The following CACNA2D1 variants were observed in gnomAD, a reference collection of about 807,000 sequenced individuals.
The protein encoded by CACNA2D1 is voltage-dependent calcium channel subunit alpha-2/delta-1.
In CACNA2D1, 53 loss-of-function variants were observed where a neutral mutation model predicts 171.5. The ratio of observed to expected loss-of-function variants is 0.31; its 90% CI spans 0.25 to 0.39. CACNA2D1 has a LOEUF of 0.39. Ranked by LOEUF, CACNA2D1 falls within the 10% of genes least tolerant of loss-of-function variation. The pLI, the probability that CACNA2D1 is intolerant of heterozygous loss-of-function variation, is 1.00. For synonymous variants in CACNA2D1, 442 were observed against 443.1 expected (o/e 1.00, Z 0.03); for missense variants, 903 against 1,299.8 (o/e 0.69, Z 4.69).
chr7:81,965,133 T>A (rs1794586982), intron 32 of CACNA2D1, among the ~76,000 whole-genome samples: 1 of 151,868 alleles, frequency 6.6e-6, no homozygotes, highest in Non-Finnish European at 1.5e-5. Flanking sequence ...TTTGCTTTGT[T>A]TTTTCAAAAG....
At chr7:82,440,559 C>T (rs1830424105) in intron 1 of CACNA2D1, among the ~76,000 whole-genome samples, 1 of 151,846 alleles carries the variant, frequency 6.6e-6, no homozygotes, top group Non-Finnish European at 1.5e-5. Context: ...TTATGTTTCA[C>T]ACCTTAGGGA....
chr7:82,240,860 G>C (rs528561780), intron 3 of CACNA2D1, among the ~76,000 whole-genome samples: 2 of 151,992 alleles, frequency 1.3e-5, no homozygotes, highest in Non-Finnish European at 2.9e-5. Flanking sequence ...CCAGCTACTC[G>C]TGAGGCTGAG....
At chr7:82,016,515 C>A (rs1453667716) in intron 12 of CACNA2D1, among the ~76,000 whole-genome samples, 1 of 151,364 alleles carries the variant, frequency 6.6e-6, no homozygotes, top group African/African-American at 2.4e-5. Context: ...GAAAGGCAAG[C>A]ACTTCTAATA....
intron 10 of CACNA2D1, chr7:82,051,234 C>T (rs1257774302): frequency 6.6e-6 from 1 of 152,172 alleles, no homozygotes; most frequent in African/African-American, 2.4e-5. Flanking sequence ...AATCTGCAGG[C>T]TTTTATAGCA....
Position 82,443,504 on chromosome 7 carries a change from A to T in CACNA2D1, c.-45T>A, listed in dbSNP as rs1423294859. On this transcript the variant is annotated 5_prime_UTR_variant, in exon 1 of 39. Coordinates refer to ENST00000356860, the MANE Select transcript of CACNA2D1 (RefSeq NM_000722.4). The stretch of plus-strand genomic sequence containing the variant: ...TGCCCCCTCCCTGCCCAAGCGGGGG[A>T]AGGAGCGGCGCTGGAAACCGCGGGC... The T allele has an allele frequency of 6.3e-7, 1 of 1,593,862 alleles. No individual in the cohort carries two copies. Among genetic ancestry groups the T allele is most frequent in the Admixed American group, 1.7e-5 (1 of 57,824 alleles).
At chr7:82,209,028 C>T (rs1563203972) in intron 3 of CACNA2D1, among the ~76,000 whole-genome samples, 1 of 152,080 alleles carries the variant, frequency 6.6e-6, no homozygotes, top group East Asian at 1.9e-4. Flanking sequence ...CCAGTGATTG[C>T]CTTACAAATA....
At chr7:82,177,826 C>T (rs79437266) in intron 3 of CACNA2D1, among the ~76,000 whole-genome samples, 2,447 of 152,154 alleles carry the variant, frequency 0.016, 72 homozygotes, top group East Asian at 0.1. Flanking sequence ...CATTATTGTG[C>T]TATAGGTTAG....
chr7:82,087,342 G>A (rs1223949743), intron 6 of CACNA2D1, among the ~76,000 whole-genome samples: 1 of 152,120 alleles, frequency 6.6e-6, no homozygotes, highest in African/African-American at 2.4e-5. Flanking sequence ...TTTGTAGAGA[G>A]CAGTTTGACT....
At chr7:82,401,433 A>T (rs1198536094) in intron 1 of CACNA2D1, among the ~76,000 whole-genome samples, 1 of 150,772 alleles carries the variant, frequency 6.6e-6, no homozygotes, top group African/African-American at 2.4e-5. Context: ...GGAAATCATC[A>T]TTCTCAGTAA....
At chr7:81,970,287 T>C (rs1375278884) in intron 27 of CACNA2D1, among the ~76,000 whole-genome samples, 2 of 151,440 alleles carry the variant, frequency 1.3e-5, no homozygotes, top group South Asian at 2.1e-4. Context: ...GCCTACTTCA[T>C]GGACTGTTAC....
chr7:82,075,473 C>T (rs923894447), intron 7 of CACNA2D1, among the ~76,000 whole-genome samples: 2 of 152,070 alleles, frequency 1.3e-5, no homozygotes, highest in Admixed American at 1.3e-4. Flanking sequence ...TTCTATGAGG[C>T]AAGTGTTGGG....
intron 10 of CACNA2D1, among the ~76,000 whole-genome samples, chr7:82,044,739 A>C (rs2131262976): frequency 6.6e-6 from 1 of 152,304 alleles, no homozygotes; most frequent in South Asian, 2.1e-4. Context: ...TGTGCGCTCC[A>C]AAATTTTGGC....
intron 3 of CACNA2D1, among the ~76,000 whole-genome samples, chr7:82,255,089 T>C (rs1259538651): frequency 2.0e-5 from 3 of 152,216 alleles, no homozygotes; most frequent in Non-Finnish European, 4.4e-5. Flanking sequence ...GCTGGTGTCC[T>C]TTAGGTACTC....
chr7:82,148,122 T>C (rs1475549292), intron 4 of CACNA2D1, among the ~76,000 whole-genome samples: 3 of 152,288 alleles, frequency 2.0e-5, no homozygotes, highest in African/African-American at 2.4e-5. Context: ...ATTAACTTTA[T>C]GCTGGCATCA....
At chr7:82,365,816 T>C (rs75855406) in intron 1 of CACNA2D1, among the ~76,000 whole-genome samples, 28 of 152,362 alleles carry the variant, frequency 1.8e-4, no homozygotes, top group Admixed American at 6.5e-4. Flanking sequence ...TTGGAGAGAT[T>C]TGAAGACAGC....
At chr7:82,443,839 G>C (rs1390201181), upstream of CACNA2D1, 7 of 589,088 alleles carry the variant, frequency 1.2e-5, no homozygotes, top group Admixed American at 4.4e-5. Context: ...CGGAGGCGGG[G>C]GCGGGGGCGG....
rs192062285 is a variant in CACNA2D1, at chr7:82,234,413, G to A, written c.295-63804C>T. ...TAAAATGTCACAGAGGGTAGGGTAA[G>A]GAAAGTAATTATGCAGATGTTATTC... On this transcript the variant is annotated intron_variant, in intron 3 of 38. Coordinates refer to ENST00000356860, the MANE Select transcript of CACNA2D1 (RefSeq NM_000722.4). Among the ~76,000 whole-genome samples the A allele has an allele frequency of 1.5e-3, 223 of 152,128 alleles. 1 individual carries two copies. The highest frequency in any genetic ancestry group is 5.0e-3 in the African/African-American group (206 of 41,556).
At chr7:81,965,883 T>C (rs925698361) in intron 31 of CACNA2D1, among the ~76,000 whole-genome samples, 1 of 151,770 alleles carries the variant, frequency 6.6e-6, no homozygotes, top group African/African-American at 2.4e-5. Context: ...AACCATCCAC[T>C]TGAGACTGTC....
At chr7:82,022,083 AG>A (rs1801286764) in intron 12 of CACNA2D1, among the ~76,000 whole-genome samples, 1 of 152,032 alleles carries the variant, frequency 6.6e-6, no homozygotes, top group Non-Finnish European at 1.5e-5. Context: ...AGATATTAAA[AG>A]GACTTTGTAA....
Sources: allele counts gnomAD v4.1 joint callset (sites outside exome capture counted in the v4.1 genomes callset), GRCh38; gene constraint gnomAD v4.1.1; transcripts MANE v1.5; gene names NCBI Gene and HGNC (gene_info 2026-07-23, HGNC 2026-07-21).